AKAP9: variants seen among roughly 807,000 people sequenced by gnomAD.
The protein encoded by AKAP9 is A-kinase anchor protein 9.
In AKAP9, 311 loss-of-function variants were observed where a neutral mutation model predicts 488.5. That is an observed-to-expected ratio of 0.64 (90% CI 0.58 to 0.70). The LOEUF (loss-of-function observed/expected upper bound fraction) is 0.70, where lower values mean the gene tolerates loss of function less well. AKAP9 is among the 30% of genes least tolerant of loss of function. The pLI is 0.00. For missense variants in AKAP9, 4,215 were observed against 4,374.5 expected (o/e 0.96, Z 1.03); for synonymous variants, 1,462 against 1,483.5 (o/e 0.99, Z 0.33).
intron 1 of AKAP9, among the ~76,000 whole-genome samples, chr7:91,970,291 G>T (rs1356270138): frequency 2.0e-5 from 3 of 152,104 alleles, no homozygotes; most frequent in African/African-American, 7.2e-5. Context: ...TTGATAGGAT[G>T]CTGTAGCTAT....
Position 92,001,670 on chromosome 7 carries a change from C to T in AKAP9, c.1753C>T (p.Leu585=). ...TTCTGCATCTGAATCCAGAAAGGAA[C>T]TAGAATTAAAACATGAAGCAGAAGT... ...IVSASESRKE[L]ELKHEAEVTN... is the part of the protein sequence containing the mutation. Residue 585 remains leucine (L), a synonymous_variant, in exon 8 of 50, where the codon CTA becomes TTA. Transcript: ENST00000356239. 1 of 1,612,684 alleles carries T rather than the reference C, an allele frequency of 6.2e-7. No individual in the cohort carries two copies. The highest frequency in any genetic ancestry group is 8.5e-7 in the Non-Finnish European group (1 of 1,179,404).
chr7:91,944,109 G>A (rs2130435946), intron 1 of AKAP9, among the ~76,000 whole-genome samples: 1 of 152,096 alleles, frequency 6.6e-6, no homozygotes, highest in Admixed American at 6.5e-5. Flanking sequence ...CCCCAAATCT[G>A]TAATAATGGG....
chr7:92,012,266 A>C (rs1433662564), intron 8 of AKAP9, among the ~76,000 whole-genome samples, 163 bp from the exon 9 acceptor site: 1 of 152,216 alleles, frequency 6.6e-6, no homozygotes, highest in Non-Finnish European at 1.5e-5. Context: ...TTCCTTGAAA[A>C]AGAAAGGTAG....
chr7:92,034,850 A>G (rs1804934056), intron 16 of AKAP9, among the ~76,000 whole-genome samples: 1 of 151,774 alleles, frequency 6.6e-6, no homozygotes, highest in Non-Finnish European at 1.5e-5. Context: ...TGTTATCCCT[A>G]TTTCTCACCT....
In AKAP9 at chr7:91,961,253, G is replaced by A. The variant is rs549876300; in HGVS notation, c.49-12458G>A. ...CAGCTCACTGTGACCTCCGCCTCCC[G>A]GGTTCAAGTGATTTTACTGCCTCAG... On this transcript the variant is annotated intron_variant, in intron 1 of 49. Coordinates refer to ENST00000356239, the MANE Select transcript of AKAP9 (RefSeq NM_005751.5). 4.6e-5 allele frequency among the ~76,000 whole-genome samples: 7 copies of A among 151,712 alleles called. No individual in the cohort carries two copies. The South Asian group carries it at 6.2e-4, about 14-fold the overall frequency.
intron 37 of AKAP9, among the ~76,000 whole-genome samples, chr7:92,087,083 C>G (rs1382520835): frequency 1.3e-5 from 2 of 152,204 alleles, no homozygotes; most frequent in East Asian, 3.8e-4. Context: ...CATTTGACTT[C>G]AGCTGGGGAC....
chr7:91,987,159 C>CT (rs1470260087), intron 3 of AKAP9, among the ~76,000 whole-genome samples: 1 of 152,112 alleles, frequency 6.6e-6, no homozygotes, highest in East Asian at 1.9e-4. Context: ...TCATTCATGC[C>CT]TGTAATCCCA....
At chr7:91,974,025 C>A in intron 2 of AKAP9, 57 bp downstream of exon 2, 1 of 1,595,238 alleles carries the variant, frequency 6.3e-7, no homozygotes, top group Non-Finnish European at 8.6e-7. Context: ...GTAGTCATAA[C>A]AACAGTCATT....
intron 1 of AKAP9, among the ~76,000 whole-genome samples, chr7:91,950,457 C>T (rs1165230843): frequency 2.0e-5 from 3 of 152,062 alleles, no homozygotes; most frequent in Non-Finnish European, 4.4e-5. Flanking sequence ...GTCTCAATCT[C>T]CTGACCTCAT....
At chr7:92,037,427 T>G (rs1236074177) in intron 16 of AKAP9, among the ~76,000 whole-genome samples, 1 of 152,220 alleles carries the variant, frequency 6.6e-6, no homozygotes, top group Non-Finnish European at 1.5e-5. Flanking sequence ...AAAATAATGC[T>G]GCAGATCAGT....
chr7:92,003,002 A>G lies in AKAP9; in HGVS notation c.3085A>G (p.Arg1029Gly), dbSNP rs1370987227. Residue 1029 changes from arginine to glycine, a missense_variant, in exon 8 of 50, where the codon AGG becomes GGG. This residue lies in a region of AKAP9 where 2,361 missense variants were observed against 2,430.0 expected (regional missense o/e 0.97). Coordinates refer to ENST00000356239, the MANE Select transcript of AKAP9 (RefSeq NM_005751.5). ...LLDGVVTMTS[R>G]GAEGSVSKVN... is the part of the protein sequence containing the mutation. ...AGATGGAGTTGTGACCATGACAAGC[A>G]GGGGTGCTGAAGGATCAGTTTCTAA... 2 of 1,613,496 alleles carry G rather than the reference A, an allele frequency of 1.2e-6. No homozygotes were observed. Among genetic ancestry groups the G allele is most frequent in the East Asian group, 2.2e-5 (1 of 44,836 alleles).
intron 16 of AKAP9, 145 bp downstream of exon 16, chr7:92,031,749 T>C (rs1167409859): frequency 3.0e-6 from 2 of 658,958 alleles, no homozygotes; most frequent in Non-Finnish European, 5.2e-6. Context: ...TCAATTATAG[T>C]TGCCTTTAAA....
In AKAP9 at chr7:92,040,865, A is replaced by C. The variant is rs758369884; in HGVS notation, c.4884A>C (p.Glu1628Asp). Residue 1628 changes from glutamate (E) to aspartate (D), a missense_variant, in exon 18 of 50, where the codon GAA (glutamate) becomes GAC (aspartate). By Grantham distance (45) the Glu-to-Asp change is conservative (BLOSUM62 2). Coordinates refer to ENST00000356239, the MANE Select transcript of AKAP9 (RefSeq NM_005751.5). The part of the protein sequence containing the change: ...RQREDQEQLQ[E>D]EIKRLNRQLA... ...GAGAAGACCAGGAACAGCTACAAGA[A>C]GAGATTAAGAGACTTAATAGACAAT... 8 of 1,613,792 alleles carry C rather than the reference A, an allele frequency of 5.0e-6. No homozygotes were observed. Among genetic ancestry groups the C allele is most frequent in the Non-Finnish European group, 6.8e-6 (8 of 1,179,824 alleles).
chr7:92,071,658 C>G (rs1811755680), intron 28 of AKAP9, among the ~76,000 whole-genome samples: 2 of 152,128 alleles, frequency 1.3e-5, no homozygotes, highest in African/African-American at 2.4e-5. Context: ...CCTACTCTAT[C>G]TACATTGTCT....
At chr7:91,983,221 G>A (rs1311078753) in intron 3 of AKAP9, among the ~76,000 whole-genome samples, 1 of 151,988 alleles carries the variant, frequency 6.6e-6, no homozygotes, top group Non-Finnish European at 1.5e-5. Context: ...CCCACGACAG[G>A]CCCCCATGTG....
At chr7:91,986,073 A>G (rs1378502735) in intron 3 of AKAP9, among the ~76,000 whole-genome samples, 1 of 152,038 alleles carries the variant, frequency 6.6e-6, no homozygotes, top group African/African-American at 2.4e-5. Flanking sequence ...GTGGTCTATT[A>G]ATTATTGCCT....
intron 3 of AKAP9, among the ~76,000 whole-genome samples, chr7:91,984,119 G>T (rs561999904): frequency 1.0e-3 from 157 of 152,276 alleles, no homozygotes; most frequent in African/African-American, 3.7e-3. Flanking sequence ...TTGCTGTGCA[G>T]AAGCTCTTTA....
At chr7:92,062,517 T>A (rs1360502041) in intron 24 of AKAP9, 31 bp downstream of exon 24, 1 of 1,581,640 alleles carries the variant, frequency 6.3e-7, no homozygotes. Flanking sequence ...TATGAAACAG[T>A]CCTCTGATTT....
intron 1 of AKAP9, among the ~76,000 whole-genome samples, chr7:91,943,227 T>G (rs2130432790): frequency 6.6e-6 from 1 of 151,866 alleles, no homozygotes; most frequent in East Asian, 1.9e-4. Context: ...AAAAAACCCC[T>G]GGAAATAACT....
Sources: allele counts gnomAD v4.1 joint callset (sites outside exome capture counted in the v4.1 genomes callset), GRCh38; gene constraint gnomAD v4.1.1; regional missense constraint gnomAD v4.1.1; transcripts MANE v1.5; gene names NCBI Gene and HGNC (gene_info 2026-07-23, HGNC 2026-07-21).